Variants in SLIT1 observed in about 807,000 individuals in gnomAD.
The protein encoded by SLIT1 is slit homolog 1 protein.
SLIT1 carries 66 observed loss-of-function variants against 186.1 expected under a neutral mutation model. The ratio of observed to expected loss-of-function variants is 0.35; its 90% CI spans 0.29 to 0.44. The LOEUF (loss-of-function observed/expected upper bound fraction) is 0.44. SLIT1 is among the 20% of genes least tolerant of loss of function. SLIT1 has a pLI of 1.00. For missense variants in SLIT1, 1,638 were observed against 2,037.4 expected, an observed-to-expected ratio of 0.80 and a Z score of 3.77; for synonymous variants, 761 against 833.8, an observed-to-expected ratio of 0.91 and a Z score of 1.50.
At chr10:97,181,418 C>G (rs558277112) in intron 1 of SLIT1, among the ~76,000 whole-genome samples, 2 of 152,250 alleles carry the variant, frequency 1.3e-5, no homozygotes, top group Non-Finnish European at 2.9e-5. Context: ...CTTCCTTATG[C>G]GTGACCACTC....
rs1290317446 is a variant in SLIT1, at chr10:97,131,864, A to C, written c.413+25954T>G. On this transcript the variant is annotated intron_variant, in intron 4 of 36. Coordinates refer to ENST00000266058, the MANE Select transcript of SLIT1 (RefSeq NM_003061.3). ...AAACCCAGCCTATGCGTGGGGACTA[A>C]GTATCCGCATGCTGCCAATGAGAAC... 2.0e-5 allele frequency among the ~76,000 whole-genome samples: 3 copies of C among 152,226 alleles called. No homozygotes were observed. The East Asian group carries it at 5.8e-4, about 29-fold the overall frequency.
chr10:97,060,025 G>A, intron 10 of SLIT1, 62 bp downstream of exon 10: 1 of 1,421,214 alleles, frequency 7.0e-7, no homozygotes, highest in Non-Finnish European at 1.0e-6. Flanking sequence ...AGGGCTGTGG[G>A]ACCACCCAGG....
intron 4 of SLIT1, chr10:97,155,534 A>G (rs1166181781): frequency 6.6e-6 from 1 of 152,280 alleles, no homozygotes; most frequent in East Asian, 1.9e-4. Flanking sequence ...GATGATCTCA[A>G]GTAAAGGGCT....
chr10:97,150,149 G>C (rs1157842568), intron 4 of SLIT1, among the ~76,000 whole-genome samples: 1 of 152,140 alleles, frequency 6.6e-6, no homozygotes, highest in East Asian at 1.9e-4. Context: ...GGCTCTGGCT[G>C]GGGAGGGGCG....
chr10:97,155,694 G>A (rs1849941406), intron 4 of SLIT1, among the ~76,000 whole-genome samples: 1 of 152,208 alleles, frequency 6.6e-6, no homozygotes, highest in Admixed American at 6.5e-5. Flanking sequence ...GGATCACTAT[G>A]GGAAGGAGAA....
chr10:97,030,698 C>T (rs1340239943), intron 25 of SLIT1, 59 bp downstream of exon 25: 7 of 1,421,292 alleles, frequency 4.9e-6, no homozygotes, highest in African/African-American at 2.8e-5. Context: ...GGGATCTTCT[C>T]AGAAACCAAG....
intron 27 of SLIT1, 124 bp from the exon 28 acceptor site, chr10:97,018,807 C>G: frequency 1.5e-6 from 1 of 673,118 alleles, no homozygotes; most frequent in Non-Finnish European, 2.6e-6. Context: ...TTCATTCATT[C>G]ATTCGTCCAC....
intron 4 of SLIT1, among the ~76,000 whole-genome samples, chr10:97,067,490 T>C (rs1484246694): frequency 1.3e-5 from 2 of 152,168 alleles, no homozygotes; most frequent in Admixed American, 6.5e-5. Context: ...ATCCCCATTA[T>C]ACAAAGGAGA....
At chr10:97,079,868 G>A (rs1849086093) in intron 4 of SLIT1, among the ~76,000 whole-genome samples, 1 of 152,186 alleles carries the variant, frequency 6.6e-6, no homozygotes, top group Admixed American at 6.5e-5. Flanking sequence ...TCTGGGACAA[G>A]ACTTCCAGGT....
intron 1 of SLIT1, among the ~76,000 whole-genome samples, chr10:97,174,473 G>C (rs951580351): frequency 3.3e-5 from 5 of 152,184 alleles, no homozygotes; most frequent in South Asian, 2.1e-4. Flanking sequence ...AACCCACCAG[G>C]CTGAGCCACA....
At chr10:97,046,895 G>GC (rs58092124) in intron 17 of SLIT1, 96 bp downstream of exon 17, 2 of 1,571,238 alleles carry the variant, frequency 1.3e-6, no homozygotes, top group Non-Finnish European at 1.7e-6. Context: ...CAGAGTCCTG[G>GC]CCCCCCGCCG....
chr10:97,055,349 G>A (rs1848827202), intron 13 of SLIT1, among the ~76,000 whole-genome samples: 1 of 152,086 alleles, frequency 6.6e-6, no homozygotes, highest in Non-Finnish European at 1.5e-5. Flanking sequence ...AAAACTTGGG[G>A]GTTCACCATA....
chr10:97,179,159 T>C (rs1850297016), intron 1 of SLIT1, among the ~76,000 whole-genome samples: 1 of 152,174 alleles, frequency 6.6e-6, no homozygotes, highest in South Asian at 2.1e-4. Flanking sequence ...CTAGCGACTC[T>C]CATCAGCCTC....
intron 4 of SLIT1, among the ~76,000 whole-genome samples, chr10:97,106,682 A>G (rs1415915173): frequency 6.6e-6 from 1 of 151,742 alleles, no homozygotes; most frequent in Non-Finnish European, 1.5e-5. Flanking sequence ...TCATTCACAC[A>G]TGGTGGAGAC....
At chr10:97,155,388 C>T (rs1849936462) in intron 4 of SLIT1, 1 of 152,184 alleles carries the variant, frequency 6.6e-6, no homozygotes, top group Admixed American at 6.5e-5. Flanking sequence ...GTGCAAGGCA[C>T]CAATGTCCAA....
intron 3 of SLIT1, among the ~76,000 whole-genome samples, chr10:97,160,886 A>G (rs1472640810): frequency 6.6e-6 from 1 of 151,764 alleles, no homozygotes; most frequent in Non-Finnish European, 1.5e-5. Context: ...GTGCCTGGCT[A>G]ATTTTCATAT....
chr10:97,136,096 A>G (rs1279362615), intron 4 of SLIT1, among the ~76,000 whole-genome samples: 1 of 152,192 alleles, frequency 6.6e-6, no homozygotes, highest in East Asian at 1.9e-4. Context: ...CACACTCATA[A>G]AACCATATTC....
At chr10:97,037,472 G>A (rs1463351121) in intron 22 of SLIT1, among the ~76,000 whole-genome samples, 1 of 152,124 alleles carries the variant, frequency 6.6e-6, no homozygotes, top group Non-Finnish European at 1.5e-5. Flanking sequence ...GTGGGCAGGA[G>A]GAGGAGGCAG....
intron 8 of SLIT1, among the ~76,000 whole-genome samples, chr10:97,063,245 G>C (rs560703663): frequency 1.6e-4 from 25 of 151,966 alleles, no homozygotes; most frequent in African/African-American, 6.0e-4. Context: ...GCAGACAGTG[G>C]AGTCAGGAGG....
Sources: gnomAD v4.1 joint callset for allele counts (sites outside exome capture counted in the v4.1 genomes callset) on GRCh38, gnomAD v4.1.1 for gene constraint, MANE v1.5 for transcripts, NCBI Gene and HGNC (gene_info 2026-07-23, HGNC 2026-07-21) for gene names.